The following DNAI1 variants were observed in gnomAD, a reference collection of about 807,000 sequenced individuals.
The protein encoded by DNAI1 is dynein, axonemal, intermediate polypeptide 1.
Under a neutral mutation model 92.0 loss-of-function variants are expected in DNAI1, and 67 were observed. The ratio of observed to expected loss-of-function variants is 0.73; its 90% CI spans 0.60 to 0.89. The LOEUF (loss-of-function observed/expected upper bound fraction) is 0.89. Ranked by LOEUF, DNAI1 falls within the 40% of genes least tolerant of loss-of-function variation. The pLI, the probability that DNAI1 is intolerant of heterozygous loss-of-function variation, is 0.00. For synonymous variants in DNAI1, 323 were observed against 319.6 expected, an observed-to-expected ratio of 1.01 and a Z score of -0.11; for missense variants, 839 against 866.6, an observed-to-expected ratio of 0.97 and a Z score of 0.40.
intron 1 of DNAI1, 121 bp downstream of exon 1, chr9:34,459,174 C>T (rs1356852198): frequency 5.1e-6 from 5 of 971,470 alleles, no homozygotes; most frequent in African/African-American, 3.2e-5. Flanking sequence ...TTCTCACCCC[C>T]GTGACCTCTG....
At chr9:34,499,793 A>T (rs1446218433) in intron 10 of DNAI1, among the ~76,000 whole-genome samples, 1 of 152,166 alleles carries the variant, frequency 6.6e-6, no homozygotes, top group Non-Finnish European at 1.5e-5. Flanking sequence ...TATGGAGGGG[A>T]CACGGACAGC....
intron 9 of DNAI1, among the ~76,000 whole-genome samples, chr9:34,494,258 C>T (rs1181404667): frequency 3.3e-5 from 5 of 152,148 alleles, no homozygotes; most frequent in Non-Finnish European, 5.9e-5. Context: ...TGTCCACTCT[C>T]GCTTAATTCT....
In DNAI1 at chr9:34,458,853, AC is replaced by A; in HGVS notation, c.-152del. ...GAGTTGGATTCTATCCTGCAAGGGCACGGGGACCCACAACGACGGCTGTCCC... is the reference window on the plus strand; with the variant it reads ...GAGTTGGATTCTATCCTGCAAGGGCAGGGGACCCACAACGACGGCTGTCCC... On this transcript the variant is annotated 5_prime_UTR_variant, in exon 1 of 20. Transcript: ENST00000242317. This position sits in a 1 kb window ranked among gnomAD's most constrained non-coding sequence, Gnocchi z 6.6. 1 of 726,832 alleles carries A rather than the reference AC, an allele frequency of 1.4e-6. No homozygotes were observed. Among genetic ancestry groups the A allele is most frequent in the Non-Finnish European group, 2.5e-6 (1 of 397,680 alleles). The allele number at this position is 726,832 out of a possible 1,614,324, so 45.0% of individuals were successfully genotyped here.
chr9:34,467,744 A>G (rs1824064766), intron 1 of DNAI1, among the ~76,000 whole-genome samples: 1 of 152,246 alleles, frequency 6.6e-6, no homozygotes, highest in Non-Finnish European at 1.5e-5. Context: ...TTTCCCTCAC[A>G]CTGTAAACAG....
chr9:34,483,460 G>C lies in DNAI1; in HGVS notation c.61G>C (p.Gly21Arg). Residue 21 changes from glycine to arginine, a missense_variant, in exon 2 of 20, where the codon GGC (glycine) becomes CGC (arginine). By Grantham distance (125) the Gly-to-Arg change is moderately radical. Transcript: ENST00000242317. ...KQPHKQSISI[G>R]RGTRKRDEDS... ...GTTCTTCATTTAGAGCATCAGCATA[G>C]GCAGAGGAACCAGGAAGAGAGTAAG... 1 of 1,612,364 alleles carries C rather than the reference G, an allele frequency of 6.2e-7. No homozygotes were observed. The highest frequency in any genetic ancestry group is 1.3e-5 in the African/African-American group (1 of 75,038).
intron 3 of DNAI1, 48 bp downstream of exon 3, chr9:34,485,288 C>T (rs761075604): frequency 9.9e-6 from 16 of 1,610,584 alleles, no homozygotes; most frequent in Middle Eastern, 1.6e-4. Context: ...CTTCCAGTTT[C>T]GGAGATGTGT....
chr9:34,485,550 T>G, intron 4 of DNAI1, 33 bp downstream of exon 4: 5 of 1,595,080 alleles, frequency 3.1e-6, no homozygotes, highest in Non-Finnish European at 4.3e-6. Context: ...GGGGCATCTA[T>G]ACCCATCTCC....
intron 19 of DNAI1, among the ~76,000 whole-genome samples, chr9:34,519,306 C>T (rs79666938): frequency 0.016 from 2,421 of 152,134 alleles, 33 homozygotes; most frequent in Non-Finnish European, 0.021. Flanking sequence ...CCCAAAGAGT[C>T]CAAGGCCAAA....
intron 1 of DNAI1, among the ~76,000 whole-genome samples, chr9:34,469,231 A>G (rs557153037): frequency 2.6e-5 from 4 of 151,746 alleles, no homozygotes; most frequent in Non-Finnish European, 5.9e-5. Context: ...CTCACCATAA[A>G]CAATGTAGGC....
At chr9:34,482,255 TAA>T (rs983279048) in intron 1 of DNAI1, among the ~76,000 whole-genome samples, 1 of 135,106 alleles carries the variant, frequency 7.4e-6, no homozygotes, top group Admixed American at 7.5e-5. Flanking sequence ...GAGCTAGACA[TAA>T]AGACTCTCCA....
intron 10 of DNAI1, 91 bp downstream of exon 10, chr9:34,497,290 C>T: frequency 1.0e-6 from 1 of 953,068 alleles, no homozygotes; most frequent in Non-Finnish European, 1.7e-6. Flanking sequence ...CTTGCTAGCT[C>T]CTATAGGTGC....
intron 5 of DNAI1, 51 bp from the exon 6 acceptor site, chr9:34,489,961 G>T: frequency 6.2e-7 from 1 of 1,604,910 alleles, no homozygotes; most frequent in Non-Finnish European, 8.5e-7. Flanking sequence ...CCCTGCCACA[G>T]ATTGGGAGAG....
intron 1 of DNAI1, among the ~76,000 whole-genome samples, chr9:34,481,726 G>T (rs573754285): frequency 2.6e-5 from 4 of 151,996 alleles, no homozygotes; most frequent in Admixed American, 6.6e-5. Context: ...AAGATAGCGC[G>T]TCTGGAGTTG....
At position 34,459,037 on chromosome 9, in the gene DNAI1, A is replaced by C. The variant is rs753202925; in HGVS notation, c.32A>C (p.Lys11Thr). ...CCTGCTTCTGCGAAGGCTCCCCATA[A>C]ACAGCCTCATAAGCAGGTAACGTAC... MIPASAKAPH[K>T]QPHKQSISIG... The change falls in exon 1 of 20, where the codon AAA becomes ACA. Residue 11 changes from lysine (K) to threonine (T), a missense_variant. Physicochemically the swap from Lys to Thr is moderately conservative, Grantham distance 78. Transcript: ENST00000242317. 1.2e-6 allele frequency: 2 copies of C among 1,614,050 alleles called. No homozygotes were observed. Among genetic ancestry groups the C allele is most frequent in the South Asian group, 2.2e-5 (2 of 91,066 alleles).
At chr9:34,470,760 C>G (rs1824120971) in intron 1 of DNAI1, among the ~76,000 whole-genome samples, 1 of 152,126 alleles carries the variant, frequency 6.6e-6, no homozygotes, top group African/African-American at 2.4e-5. Flanking sequence ...TACTCAAGAA[C>G]AGTAGAATGA....
At chr9:34,505,306 AGCAAGCAATCGAATCATTCTGACATCT>A (rs1824903569) in intron 12 of DNAI1, among the ~76,000 whole-genome samples, 1 of 152,072 alleles carries the variant, frequency 6.6e-6, no homozygotes, top group Non-Finnish European at 1.5e-5. Flanking sequence ...GTCCCCTTCC[AGCAAGCAATCGAATCATTCTGACATCT>A]GCTTCTATGG....
Position 34,517,455 on chromosome 9 carries a change from C to T in DNAI1, c.1989C>T (p.Arg663=). 1 of 1,614,182 alleles carries T rather than the reference C, an allele frequency of 6.2e-7. No homozygotes were observed. Among genetic ancestry groups the T allele is most frequent in the South Asian group, 1.1e-5 (1 of 91,082 alleles). The change falls in exon 19 of 20, where the codon CGC becomes CGT. Residue 663 remains arginine (R), a synonymous_variant. Coordinates refer to ENST00000242317, the MANE Select transcript of DNAI1 (RefSeq NM_012144.4). The part of the protein sequence containing the change: ...IISLKLSPNL[R]KMPKEKKGQE... Reference sequence around the variant, plus strand: ...GCCTCAAGCTCTCACCCAATTTGCGCAAGATGCCAAAGGTACAGGCTCTGG... The same window carrying T: ...GCCTCAAGCTCTCACCCAATTTGCGTAAGATGCCAAAGGTACAGGCTCTGG...
intron 19 of DNAI1, among the ~76,000 whole-genome samples, chr9:34,518,498 G>A (rs960477316): frequency 7.2e-5 from 11 of 152,212 alleles, no homozygotes; most frequent in African/African-American, 2.2e-4. Flanking sequence ...GCTGCTAAGC[G>A]CCTGCAGCTG....
chr9:34,492,451 A>G lies in DNAI1; in HGVS notation c.682-743A>G, dbSNP rs538436696. ...GTGCCATAGACAGCCAGCCCGAGCC[A>G]GTATGTTTATGCCATGTCCGGGGTG... On this transcript the variant is annotated intron_variant, in intron 8 of 19. Transcript: ENST00000242317. 1.8e-3 allele frequency among the ~76,000 whole-genome samples: 239 copies of G among 133,302 alleles called. 6 individuals are homozygous for G. Among genetic ancestry groups the G allele is most frequent in the Non-Finnish European group, 2.3e-3 (148 of 63,304 alleles). The allele number at this position is 133,302 out of a possible 152,430, so 87.5% of individuals were successfully genotyped here. A position where few individuals can be genotyped will look rare whatever the true frequency, so the allele number is the denominator to read the frequency against.
Sources: allele counts gnomAD v4.1 joint callset (sites outside exome capture counted in the v4.1 genomes callset), GRCh38; gene constraint gnomAD v4.1.1; non-coding constraint Gnocchi (gnomAD v3.1); transcripts MANE v1.5; gene names NCBI Gene and HGNC (gene_info 2026-07-23, HGNC 2026-07-21).